The following BMAL1 variants were observed in gnomAD, a reference collection of about 807,000 sequenced individuals.
BMAL1 encodes basic helix-loop-helix ARNT like 1, also known as basic helix-loop-helix ARNT-like protein 1.
the BMAL1 span, chr11:13,354,695 A>C: frequency 2.1e-6 from 1 of 469,278 alleles, no homozygotes; most frequent in East Asian, 4.1e-5. Context: ...CACCCAGAGA[A>C]AAAGAACAGC....
At chr11:13,351,505 T>G in the BMAL1 span, among the ~76,000 whole-genome samples, 1 of 152,174 alleles carries the variant, frequency 6.6e-6, no homozygotes, top group African/African-American at 2.4e-5. Flanking sequence ...GCTGGAGATA[T>G]AAATTTGGGA....
chr11:13,304,129 A>G, the BMAL1 span, among the ~76,000 whole-genome samples: 1 of 152,010 alleles, frequency 6.6e-6, no homozygotes, highest in African/African-American at 2.4e-5. Flanking sequence ...TGAAGGAGGA[A>G]CGACAGGATC....
the BMAL1 span, among the ~76,000 whole-genome samples, chr11:13,372,735 C>T: frequency 2.2e-3 from 334 of 152,110 alleles, no homozygotes; most frequent in African/African-American, 5.9e-3. Flanking sequence ...AGCTGAGCCT[C>T]GGGAGGTCAA....
At chr11:13,372,375 G>T in the BMAL1 span, 2 of 1,614,142 alleles carry the variant, frequency 1.2e-6, no homozygotes, top group Non-Finnish European at 1.7e-6. Flanking sequence ...TTCTCGGCAC[G>T]CGATAGATGG....
the BMAL1 span, among the ~76,000 whole-genome samples, chr11:13,357,540 C>T: frequency 6.6e-6 from 1 of 152,202 alleles, no homozygotes; most frequent in Non-Finnish European, 1.5e-5. The surrounding 1 kb of genome is among the most constrained non-coding windows in gnomAD (Gnocchi z 4.8). Flanking sequence ...AGATTCTCTG[C>T]CTGGGTCTGT....
At chr11:13,310,792 G>A in the BMAL1 span, among the ~76,000 whole-genome samples, 497 of 152,342 alleles carry the variant, frequency 3.3e-3, 3 homozygotes, top group African/African-American at 0.011. Context: ...TATCCTGAAG[G>A]CAGTGGGAAG....
chr11:13,353,973 T>C, the BMAL1 span, among the ~76,000 whole-genome samples: 1 of 152,178 alleles, frequency 6.6e-6, no homozygotes, highest in African/African-American at 2.4e-5. Flanking sequence ...GAGTTTCTGG[T>C]TCTGGTTTAA....
the BMAL1 span, among the ~76,000 whole-genome samples, chr11:13,314,053 C>T: frequency 1.3e-5 from 2 of 152,110 alleles, no homozygotes; most frequent in Non-Finnish European, 2.9e-5. Context: ...ACTCCAGTTT[C>T]CCCCAAATCT....
At chr11:13,289,640 T>C in the BMAL1 span, among the ~76,000 whole-genome samples, 2,154 of 152,332 alleles carry the variant, frequency 0.014, 34 homozygotes, top group Non-Finnish European at 0.02. Flanking sequence ...GTGTTTGGTT[T>C]TCTGTCCTTG....
the BMAL1 span, among the ~76,000 whole-genome samples, chr11:13,291,015 G>A: frequency 2.0e-5 from 3 of 152,326 alleles, no homozygotes; most frequent in South Asian, 2.1e-4. Context: ...ATGGGTGCCA[G>A]TGGTGAATGC....
At chr11:13,337,173 T>G in the BMAL1 span, among the ~76,000 whole-genome samples, 1 of 152,224 alleles carries the variant, frequency 6.6e-6, no homozygotes, top group Non-Finnish European at 1.5e-5. Context: ...TATAAATAAT[T>G]CATGTCCAAT....
the BMAL1 span, among the ~76,000 whole-genome samples, chr11:13,323,464 G>A: frequency 0.81 from 123,189 of 152,094 alleles, 50,155 homozygotes; most frequent in Non-Finnish European, 0.86. Flanking sequence ...AACTAGCCTT[G>A]CTCCTCCTCA....
the BMAL1 span, among the ~76,000 whole-genome samples, chr11:13,310,696 A>T: frequency 6.6e-6 from 1 of 152,226 alleles, no homozygotes; most frequent in Non-Finnish European, 1.5e-5. Context: ...TTACAGAAGC[A>T]GGTGGTGGGC....
chr11:13,297,695 C>T, the BMAL1 span, among the ~76,000 whole-genome samples: 1 of 152,230 alleles, frequency 6.6e-6, no homozygotes, highest in African/African-American at 2.4e-5. Context: ...GCTCCTGCTT[C>T]ATGGCCTATG....
the BMAL1 span, among the ~76,000 whole-genome samples, chr11:13,305,430 GA>G: frequency 6.6e-5 from 10 of 152,020 alleles, no homozygotes; most frequent in Non-Finnish European, 1.2e-4. Context: ...AAATCCAATT[GA>G]TTTTTTTGTT....
At chr11:13,328,694 A>G in the BMAL1 span, among the ~76,000 whole-genome samples, 11 of 152,240 alleles carry the variant, frequency 7.2e-5, no homozygotes, top group Non-Finnish European at 1.5e-4. Context: ...CACAGATAAG[A>G]TTAGTTGATA....
chr11:13,378,039 G>A, the BMAL1 span, among the ~76,000 whole-genome samples: 2 of 152,116 alleles, frequency 1.3e-5, no homozygotes. Flanking sequence ...GCAGGGACTT[G>A]TCTCTGTAAC....
the BMAL1 span, among the ~76,000 whole-genome samples, chr11:13,319,385 TG>T: frequency 6.6e-6 from 1 of 152,250 alleles, no homozygotes; most frequent in Non-Finnish European, 1.5e-5. Context: ...TTGGTTTAAA[TG>T]GTTTGCTGTT....
At chr11:13,309,098 A>G in the BMAL1 span, among the ~76,000 whole-genome samples, 1 of 152,208 alleles carries the variant, frequency 6.6e-6, no homozygotes, top group Admixed American at 6.5e-5. Flanking sequence ...GTATTTTCTC[A>G]CAATTAAAAA....
Sources: allele counts gnomAD v4.1 joint callset (sites outside exome capture counted in the v4.1 genomes callset), GRCh38; gene constraint gnomAD v4.1.1; non-coding constraint Gnocchi (gnomAD v3.1); transcripts MANE v1.5; gene names NCBI Gene and HGNC (gene_info 2026-07-23, HGNC 2026-07-21).